CCDC171: variants seen among roughly 807,000 people sequenced by gnomAD.
The protein encoded by CCDC171 is coiled-coil domain containing 171.
A neutral mutation model predicts 168.2 loss-of-function variants in CCDC171; 177 were observed. The observed-to-expected ratio is 1.05, with a 90% CI of 0.93 to 1.19. CCDC171 has a LOEUF of 1.19. Among genes scored for constraint, CCDC171 ranks in the 50% most tolerant of loss-of-function variants. CCDC171 has a pLI of 0.00. For missense variants in CCDC171, 1,991 were observed against 1,539.0 expected, an observed-to-expected ratio of 1.29 and a Z score of -4.91; for synonymous variants, 687 against 540.8, an observed-to-expected ratio of 1.27 and a Z score of -3.75.
At chr9:15,866,423 A>G (rs1450181472) in intron 23 of CCDC171, among the ~76,000 whole-genome samples, 1 of 151,990 alleles carries the variant, frequency 6.6e-6, no homozygotes, top group South Asian at 2.1e-4. Flanking sequence ...GAAGGATGTG[A>G]AACTTATTCA....
At chr9:15,861,758 A>C (rs1428854189) in intron 23 of CCDC171, among the ~76,000 whole-genome samples, 3 of 152,022 alleles carry the variant, frequency 2.0e-5, no homozygotes, top group Non-Finnish European at 4.4e-5. Context: ...TAACTTTTAC[A>C]TTAGAAATAA....
At chr9:15,706,728 T>A (rs2052267954) in intron 11 of CCDC171, among the ~76,000 whole-genome samples, 1 of 152,222 alleles carries the variant, frequency 6.6e-6, no homozygotes, top group African/African-American at 2.4e-5. Context: ...TTGAATTTTT[T>A]TAGGGTGGTT....
At chr9:15,586,574 A>T (rs73644680) in intron 4 of CCDC171, among the ~76,000 whole-genome samples, 1 of 152,190 alleles carries the variant, frequency 6.6e-6, no homozygotes, top group Non-Finnish European at 1.5e-5. Flanking sequence ...GAGTAGCAGT[A>T]GTGAGTAAAA....
downstream of CCDC171, among the ~76,000 whole-genome samples, chr9:15,977,108 T>C (rs1831644024): frequency 6.6e-6 from 1 of 152,204 alleles, no homozygotes; most frequent in Non-Finnish European, 1.5e-5. Context: ...TCTTTTTTCT[T>C]ATACCTTAGC....
intron 25 of CCDC171, among the ~76,000 whole-genome samples, chr9:15,940,599 C>T (rs948250488): frequency 2.0e-5 from 3 of 151,980 alleles, no homozygotes; most frequent in Non-Finnish European, 4.4e-5. Flanking sequence ...AATTTTCTCT[C>T]TCCATCTCCC....
chr9:15,790,392 T>C (rs529108822), intron 21 of CCDC171, among the ~76,000 whole-genome samples: 2 of 152,256 alleles, frequency 1.3e-5, no homozygotes, highest in Non-Finnish European at 2.9e-5. Context: ...CATAAATGTC[T>C]TCTTTTGAGA....
At chr9:16,083,550 A>C in the CCDC171 span, among the ~76,000 whole-genome samples, 1 of 152,166 alleles carries the variant, frequency 6.6e-6, no homozygotes, top group Non-Finnish European at 1.5e-5. Flanking sequence ...TGATATATTT[A>C]TTTGGGTACC....
At chr9:15,829,064 G>A (rs911380611) in intron 21 of CCDC171, among the ~76,000 whole-genome samples, 2 of 152,132 alleles carry the variant, frequency 1.3e-5, no homozygotes, top group Non-Finnish European at 2.9e-5. Context: ...TTGGCTCTCT[G>A]ATCAATACTT....
intron 16 of CCDC171, among the ~76,000 whole-genome samples, chr9:15,732,580 G>A (rs2134376942): frequency 6.6e-6 from 1 of 152,196 alleles, no homozygotes; most frequent in African/African-American, 2.4e-5. Context: ...CTTTCACTTA[G>A]CAAAATATAT....
At chr9:15,696,869 G>A (rs1272864859) in intron 11 of CCDC171, among the ~76,000 whole-genome samples, 1 of 151,946 alleles carries the variant, frequency 6.6e-6, no homozygotes, top group African/African-American at 2.4e-5. Context: ...CTGTATAGAT[G>A]CATACTTTGT....
At chr9:16,008,426 A>G (rs552648815) in intron 3 of CCDC171, among the ~76,000 whole-genome samples, 18 of 152,152 alleles carry the variant, frequency 1.2e-4, no homozygotes, top group African/African-American at 3.4e-4. Flanking sequence ...ATTCGTGACT[A>G]TAGAGGTTAT....
intron 3 of CCDC171, among the ~76,000 whole-genome samples, chr9:16,001,879 C>A (rs1832556695): frequency 1.3e-5 from 2 of 149,970 alleles, no homozygotes. Flanking sequence ...GCTCTGTCAC[C>A]CAGGCTGAAG....
At chr9:15,644,707 C>A (rs1169903787) in intron 7 of CCDC171, among the ~76,000 whole-genome samples, 1 of 152,194 alleles carries the variant, frequency 6.6e-6, no homozygotes, top group African/African-American at 2.4e-5. Context: ...GAGCGCCCAC[C>A]ATTGATGAGG....
At chr9:15,720,813 A>G (rs2053428881) in intron 11 of CCDC171, among the ~76,000 whole-genome samples, 1 of 152,114 alleles carries the variant, frequency 6.6e-6, no homozygotes, top group Admixed American at 6.5e-5. Context: ...TACATTAGGT[A>G]TATCTCCTAA....
chr9:15,956,284 G>C (rs1015134686), intron 25 of CCDC171, among the ~76,000 whole-genome samples: 1 of 152,124 alleles, frequency 6.6e-6, no homozygotes, highest in South Asian at 2.1e-4. Context: ...GGAAATATCT[G>C]CTGGGATTAG....
At chr9:15,787,983 G>C (rs2058055966) in intron 21 of CCDC171, among the ~76,000 whole-genome samples, 1 of 152,130 alleles carries the variant, frequency 6.6e-6, no homozygotes, top group African/African-American at 2.4e-5. Flanking sequence ...CTTTTTCTCT[G>C]TTATAGTTTG....
intron 8 of CCDC171, among the ~76,000 whole-genome samples, chr9:16,037,244 C>G (rs1329673211): frequency 1.3e-5 from 2 of 152,086 alleles, no homozygotes; most frequent in African/African-American, 2.4e-5. Context: ...ATGAAAATGC[C>G]ACTCTGTACC....
Position 15,874,651 on chromosome 9 carries a change from G to T in CCDC171, c.3588G>T (p.Val1196=). 1 of 1,579,550 alleles carries T rather than the reference G, an allele frequency of 6.3e-7. No homozygotes were observed. Among genetic ancestry groups the T allele is most frequent in the South Asian group, 1.2e-5 (1 of 85,498 alleles). ...AGGGGCTCAAGGGCGGGCCAGAGGT[G>T]GTAGCATGCCAGGTTAGAGTCTAAA... ...AMEGLKGGPE[V]VACQAMIKSF... The change falls in exon 24 of 26, where the codon GTG becomes GTT. Residue 1196 remains valine, a synonymous_variant. Coordinates refer to ENST00000380701, the MANE Select transcript of CCDC171 (RefSeq NM_173550.4).
intron 25 of CCDC171, among the ~76,000 whole-genome samples, chr9:15,948,156 C>G (rs1828660830): frequency 6.6e-6 from 1 of 151,474 alleles, no homozygotes; most frequent in Non-Finnish European, 1.5e-5. Context: ...GACATGAACT[C>G]ATCATTTTTT....
Sources: allele counts gnomAD v4.1 joint callset (sites outside exome capture counted in the v4.1 genomes callset), GRCh38; gene constraint gnomAD v4.1.1; transcripts MANE v1.5; gene names NCBI Gene and HGNC (gene_info 2026-07-23, HGNC 2026-07-21).